TMEM18: variants seen among roughly 807,000 people sequenced by gnomAD.
TMEM18 encodes the protein transmembrane protein 18.
Under a neutral mutation model 17.4 loss-of-function variants are expected in TMEM18, and 14 were observed. The observed-to-expected ratio is 0.80, with a 90% confidence interval of 0.53 to 1.25. TMEM18 has a LOEUF of 1.25. TMEM18 is among the 50% of genes most tolerant of loss of function. The pLI, the probability that TMEM18 is intolerant of heterozygous loss-of-function variation, is 0.00. For synonymous variants in TMEM18, 86 were observed against 66.1 expected (o/e 1.30, Z -1.46); for missense variants, 187 against 172.1 (o/e 1.09, Z -0.48).
chr2:669,580 TCA>T lies in TMEM18; in HGVS notation c.421_422del (p.Ter141ArgfsTer100), dbSNP rs1349462612. ...KEKKRRRKED* is the reference protein window; with the variant it reads ...KEKKRRRKEDX The stretch of plus-strand genomic sequence containing the variant: ...GCAAACTCCAAGCAGCTGCTGCCCC[TCA>T]GTCTTCTTTCCTTCTCCTTTTCTTT... On this transcript the variant is annotated frameshift_variant and stop_lost, in exon 5 of 5. Coordinates refer to ENST00000281017, the MANE Select transcript of TMEM18 (RefSeq NM_152834.4). LOFTEE classifies it high-confidence loss of function. 6.2e-7 allele frequency: 1 copy of T among 1,614,184 alleles called. No individual in the cohort carries two copies. Among genetic ancestry groups the T allele is most frequent in the Non-Finnish European group, 8.5e-7 (1 of 1,180,006 alleles).
intron 1 of TMEM18, chr2:676,467 T>C: frequency 1.5e-6 from 2 of 1,331,472 alleles, no homozygotes; most frequent in Middle Eastern, 1.8e-4. Flanking sequence ...GGCACAGCCC[T>C]CCAGAACTCC....
chr2:674,247 G>C (rs1178039302), intron 2 of TMEM18, among the ~76,000 whole-genome samples: 2 of 152,176 alleles, frequency 1.3e-5, no homozygotes, highest in Non-Finnish European at 2.9e-5. Context: ...AGCTGACAAA[G>C]CTATTCAGAT....
At chr2:673,660 T>C (rs1158815823) in intron 2 of TMEM18, among the ~76,000 whole-genome samples, 7 of 151,502 alleles carry the variant, frequency 4.6e-5, no homozygotes, top group African/African-American at 1.7e-4. Flanking sequence ...GTCCCTCCAC[T>C]TCCTCCCTTC....
rs919219936 is a variant in TMEM18 at position 677,171 on chromosome 2, A to G, written c.57+118T>C. The G allele has an allele frequency of 2.4e-5, 33 of 1,358,780 alleles. No individual in the cohort carries two copies. In the African/African-American group the frequency reaches 4.4e-4, roughly 18 times the overall value. The allele number at this position is 1,358,780 out of a possible 1,614,324, so 84.2% of individuals were successfully genotyped here. ...CCCTGCCCAGCGCGCGCGCTCCGCC[A>G]CAAGGCCCCGCCCACGGCCGGGGCC... On this transcript the variant is annotated intron_variant, in intron 1 of 4. Transcript: ENST00000281017.
rs1678757421 is a variant in TMEM18, at chr2:668,739, T to C, written c.*841A>G. The C allele has an allele frequency of 6.6e-6, 1 of 152,202 alleles. No homozygotes were observed. The highest frequency in any genetic ancestry group is 2.1e-4 in the South Asian group (1 of 4,826). The allele number at this position is 152,202 out of a possible 1,614,324, so 9.4% of individuals were successfully genotyped here. Reference sequence around the variant, plus strand: ...TAAAGTGGATATTGCAAAGTAACAGTATGCCTGTCCTAACAGAACTGGGAG... The same window carrying C: ...TAAAGTGGATATTGCAAAGTAACAGCATGCCTGTCCTAACAGAACTGGGAG... On this transcript the variant is annotated 3_prime_UTR_variant, in exon 5 of 5. Coordinates refer to ENST00000281017, the MANE Select transcript of TMEM18 (RefSeq NM_152834.4).
At chr2:674,718 AAACTT>A (rs1678950321) in intron 2 of TMEM18, among the ~76,000 whole-genome samples, 1 of 152,258 alleles carries the variant, frequency 6.6e-6, no homozygotes, top group South Asian at 2.1e-4. Context: ...CCAGCTAACT[AAACTT>A]ATCTGAAATT....
chr2:669,439 T>C lies in TMEM18; in HGVS notation c.*141A>G. The C allele has an allele frequency of 1.2e-6, 1 of 846,480 alleles. No homozygotes were observed. Among genetic ancestry groups the C allele is most frequent in the South Asian group, 1.6e-5 (1 of 61,688 alleles). 52.4% of individuals were successfully genotyped at this position (846,480 alleles called of 1,614,324 possible). On this transcript the variant is annotated 3_prime_UTR_variant, in exon 5 of 5. Transcript: ENST00000281017. ...GAAAAGCCAACTTCAGTGTGTGCCCTACCACTGTGGATATTTAAATAAAAC... is the reference window on the plus strand; with the variant it reads ...GAAAAGCCAACTTCAGTGTGTGCCCCACCACTGTGGATATTTAAATAAAAC...
chr2:674,020 T>C (rs1484279104), intron 2 of TMEM18, among the ~76,000 whole-genome samples: 1 of 152,184 alleles, frequency 6.6e-6, no homozygotes. Flanking sequence ...TGAATCTTGA[T>C]GGTGCTGGTT....
Position 669,800 on chromosome 2 carries a change from A to G in TMEM18, c.284T>C (p.Ile95Thr), listed in dbSNP as rs142977259. ...CACCAGCAGTGGGGCTGAAAATACT[A>G]TAGAAATGAACATCCCCCTGGAGTC... Reference protein sequence around the residue: ...YFDSRGMFISIVFSAPLLVNA... With the variant: ...YFDSRGMFISTVFSAPLLVNA... Residue 95 changes from isoleucine to threonine, a missense_variant, in exon 4 of 5, where the codon ATA becomes ACA. Ile to Thr is a moderately conservative substitution (Grantham distance 89). Coordinates refer to ENST00000281017, the MANE Select transcript of TMEM18 (RefSeq NM_152834.4). 5.2e-5 allele frequency: 84 copies of G among 1,613,910 alleles called. No homozygotes were observed. Among genetic ancestry groups the G allele is most frequent in the Non-Finnish European group, 6.7e-5 (79 of 1,180,016 alleles).
In TMEM18 at chr2:670,131, C is replaced by T. The variant is rs186521598; in HGVS notation, c.234-281G>A. The T allele has an allele frequency of 2.4e-5, 9 of 380,042 alleles. No homozygotes were observed. In the East Asian group the frequency reaches 4.9e-4, roughly 21 times the overall value. 23.5% of individuals were successfully genotyped at this position (380,042 alleles called of 1,614,324 possible). ...GCCTCCCCCAGCAGAGAGACGTCAC[C>T]CTGCAAGCCCTCTGGGTCATCAGCA... On this transcript the variant is annotated intron_variant, in intron 3 of 4. Transcript: ENST00000281017.
At position 668,821 on chromosome 2, in the gene TMEM18, C is replaced by T. The variant is rs1379736194; in HGVS notation, c.*759G>A. On this transcript the variant is annotated 3_prime_UTR_variant, in exon 5 of 5. Coordinates refer to ENST00000281017, the MANE Select transcript of TMEM18 (RefSeq NM_152834.4). ...ACACCAGGACATTAGGAAAGACACG[C>T]TTCTCCATGGAGTGTTGACTTCAGG... 1 of 152,254 alleles carries T rather than the reference C, an allele frequency of 6.6e-6. No individual in the cohort carries two copies. The highest frequency in any genetic ancestry group is 1.5e-5 in the Non-Finnish European group (1 of 68,048). The allele number at this position is 152,254 out of a possible 1,614,324, so 9.4% of individuals were successfully genotyped here.
intron 2 of TMEM18, among the ~76,000 whole-genome samples, chr2:673,604 T>C (rs1678915268): frequency 6.6e-6 from 1 of 152,204 alleles, no homozygotes; most frequent in Admixed American, 6.5e-5. Flanking sequence ...TTCATTCTTC[T>C]TGATACACAT....
At chr2:672,566 C>T (rs745851475) in intron 3 of TMEM18, among the ~76,000 whole-genome samples, 8 of 152,268 alleles carry the variant, frequency 5.3e-5, no homozygotes, top group Non-Finnish European at 8.8e-5. Context: ...TTCTCTGGCT[C>T]TGCCATCAGA....
chr2:669,701 T>G (rs1283568101), intron 4 of TMEM18, 26 bp from the exon 5 acceptor site: 1 of 1,614,078 alleles, frequency 6.2e-7, no homozygotes, highest in Non-Finnish European at 8.5e-7. Flanking sequence ...TGAGACATGT[T>G]TAGATTTGAA....
At chr2:676,615 T>C in intron 1 of TMEM18, 2 of 1,550,480 alleles carry the variant, frequency 1.3e-6, no homozygotes, top group Non-Finnish European at 1.7e-6. Context: ...CACGGCTTTC[T>C]GCCCAGACCC....
chr2:676,786 GC>G, intron 1 of TMEM18: 1 of 772,234 alleles, frequency 1.3e-6, no homozygotes, highest in Non-Finnish European at 2.1e-6. Context: ...CCGCCGCACT[GC>G]CAGAATCCGC....
At chr2:675,753 C>G (rs1284777199) in intron 1 of TMEM18, 123 bp from the exon 2 acceptor site, 34 of 1,537,006 alleles carry the variant, frequency 2.2e-5, no homozygotes, top group Non-Finnish European at 3.0e-5. Context: ...TCCTGGGCTA[C>G]TCACCAAGTA....
At chr2:676,773 GC>G in intron 1 of TMEM18, 1 of 879,254 alleles carries the variant, frequency 1.1e-6, no homozygotes, top group Non-Finnish European at 1.7e-6. Context: ...CACCACGCAC[GC>G]CCCGCCGCAC....
rs1207052393 is a variant in TMEM18, at chr2:664,325, A to G, written c.*5255T>C. Among the ~76,000 whole-genome samples the G allele has an allele frequency of 2.0e-5, 3 of 152,344 alleles. No homozygotes were observed. Among genetic ancestry groups the G allele is most frequent in the Non-Finnish European group, 2.9e-5 (2 of 68,024 alleles). ...GTTCCTGATGATACATAAAGCAAAAAACTGTTTGACTTTCTAAAACCTTTT... is the reference window on the plus strand; with the variant it reads ...GTTCCTGATGATACATAAAGCAAAAGACTGTTTGACTTTCTAAAACCTTTT... On this transcript the variant is annotated 3_prime_UTR_variant, in exon 5 of 5. Coordinates refer to ENST00000281017, the MANE Select transcript of TMEM18 (RefSeq NM_152834.4).
Sources: gnomAD v4.1 joint callset for allele counts (sites outside exome capture counted in the v4.1 genomes callset) on GRCh38, gnomAD v4.1.1 for gene constraint, MANE v1.5 for transcripts, NCBI Gene and HGNC (gene_info 2026-07-23, HGNC 2026-07-21) for gene names.